HS3ST4: variants seen among roughly 807,000 people sequenced by gnomAD.
The protein encoded by HS3ST4 is heparan sulfate glucosamine 3-O-sulfotransferase 4.
Under a neutral mutation model 29.2 loss-of-function variants are expected in HS3ST4, and 17 were observed. The ratio of observed to expected loss-of-function variants is 0.58; its 90% CI spans 0.40 to 0.87. The LOEUF is 0.87. HS3ST4 is among the 40% of genes least tolerant of loss of function. HS3ST4 has a pLI of 0.00. For missense variants in HS3ST4, 627 were observed against 634.5 expected (o/e 0.99, Z 0.13); for synonymous variants, 314 against 285.7 (o/e 1.10, Z -1.00).
chr16:25,789,369 CTCTTTCTCTTTCTT>C lies in HS3ST4; in HGVS notation c.734+96234_734+96247del, dbSNP rs747361020. ...CCTTCCTTCTTTCCTTTCCCTCTCTCTCTTTCTCTTTCTTTCTTTCTCTTTCTTTGTTTTTTCCT... is the reference window on the plus strand; with the variant it reads ...CCTTCCTTCTTTCCTTTCCCTCTCTCTCTTTCTCTTTCTTTGTTTTTTCCT... On this transcript the variant is annotated intron_variant, in intron 1 of 1. Coordinates refer to ENST00000331351, the MANE Select transcript of HS3ST4 (RefSeq NM_006040.3). Among the ~76,000 whole-genome samples the C allele has an allele frequency of 3.6e-3, 535 of 150,646 alleles. 5 individuals are homozygous for C. Among genetic ancestry groups the C allele is most frequent in the African/African-American group, 0.012 (498 of 40,708 alleles).
intron 1 of HS3ST4, among the ~76,000 whole-genome samples, chr16:25,732,822 T>G (rs1966579727): frequency 6.6e-6 from 1 of 152,226 alleles, no homozygotes; most frequent in Non-Finnish European, 1.5e-5. Context: ...CTGTGGGACT[T>G]CGGACATGTC....
rs5816327 is a variant in HS3ST4 at position 25,847,013 on chromosome 16, G to GTTTTT, written c.734+153873_734+153877dup. ...CTATTTTGCTCTCCCATCAACACGA[G>GTTTTT]TTTTTTTTTTTTTTTGACTCTTTTT... On this transcript the variant is annotated intron_variant, in intron 1 of 1. Transcript: ENST00000331351. Among the ~76,000 whole-genome samples, 570 of 138,298 alleles carry GTTTTT rather than the reference G, an allele frequency of 4.1e-3. 4 individuals are homozygous for GTTTTT. The highest frequency in any genetic ancestry group is 0.014 in the African/African-American group (529 of 37,584). 90.7% of individuals were successfully genotyped at this position (138,298 alleles called of 152,430 possible).
intron 1 of HS3ST4, among the ~76,000 whole-genome samples, chr16:25,841,108 C>G (rs1468991810): frequency 6.6e-6 from 1 of 151,192 alleles, no homozygotes; most frequent in East Asian, 1.9e-4. Flanking sequence ...GGGGTTCATG[C>G]CATTCTCCTG....
At chr16:26,111,889 C>T (rs1204800291) in intron 1 of HS3ST4, among the ~76,000 whole-genome samples, 3 of 151,744 alleles carry the variant, frequency 2.0e-5, no homozygotes, top group Non-Finnish European at 2.9e-5. Context: ...TGATGATGGG[C>T]GCCTGTAGTC....
intron 1 of HS3ST4, among the ~76,000 whole-genome samples, chr16:26,001,743 A>G (rs1969213521): frequency 6.6e-6 from 1 of 152,146 alleles, no homozygotes; most frequent in Non-Finnish European, 1.5e-5. Context: ...GCTTGCACCT[A>G]CTGTAACATT....
At chr16:26,119,280 A>G (rs1025099327) in intron 1 of HS3ST4, among the ~76,000 whole-genome samples, 1 of 152,234 alleles carries the variant, frequency 6.6e-6, no homozygotes, top group Non-Finnish European at 1.5e-5. Context: ...GGAACAAGAC[A>G]GGGAGAGATG....
intron 1 of HS3ST4, among the ~76,000 whole-genome samples, chr16:25,795,332 C>T (rs1207905521): frequency 6.6e-6 from 1 of 152,052 alleles, no homozygotes; most frequent in East Asian, 1.9e-4. Context: ...TAGTCTGAGC[C>T]TTTCTACCCA....
intron 1 of HS3ST4, among the ~76,000 whole-genome samples, chr16:26,077,852 C>G (rs1328910409): frequency 6.6e-6 from 1 of 152,188 alleles, no homozygotes; most frequent in African/African-American, 2.4e-5. Context: ...AGGAGGATTG[C>G]TTGAGGCTAG....
At chr16:25,740,828 A>T (rs931370834) in intron 1 of HS3ST4, among the ~76,000 whole-genome samples, 2 of 152,158 alleles carry the variant, frequency 1.3e-5, no homozygotes, top group East Asian at 3.9e-4. Context: ...GCCCCTCAAA[A>T]CTCACATTCC....
rs757780344 is a variant in HS3ST4, at chr16:26,136,484, A to T, written c.*236A>T. 4.1e-5 allele frequency: 23 copies of T among 565,542 alleles called. No homozygotes were observed. The highest frequency in any genetic ancestry group is 4.7e-4 in the Middle Eastern group (1 of 2,144). 35.0% of individuals were successfully genotyped at this position (565,542 alleles called of 1,614,324 possible). ...GCAGCATCTGGTTGACCAGATGGCC[A>T]CCAGAACCCACTGTTCATTCTTATC... On this transcript the variant is annotated 3_prime_UTR_variant, in exon 2 of 2. Transcript: ENST00000331351.
intron 1 of HS3ST4, among the ~76,000 whole-genome samples, chr16:26,107,309 G>GTA (rs991882064): frequency 7.3e-5 from 11 of 150,312 alleles, no homozygotes; most frequent in Non-Finnish European, 1.0e-4. Context: ...GTGTGTGTGT[G>GTA]TATATATATA....
chr16:25,838,119 G>C (rs142700239), intron 1 of HS3ST4, among the ~76,000 whole-genome samples: 20 of 152,306 alleles, frequency 1.3e-4, no homozygotes, highest in African/African-American at 4.8e-4. Flanking sequence ...ATGTAAATGT[G>C]CTTTGGTTTC....
chr16:25,982,689 G>A (rs1167012322), intron 1 of HS3ST4, among the ~76,000 whole-genome samples: 10 of 152,194 alleles, frequency 6.6e-5, no homozygotes, highest in Non-Finnish European at 5.9e-5. Context: ...AACCGGTAGG[G>A]TATGGTGGTG....
intron 1 of HS3ST4, among the ~76,000 whole-genome samples, chr16:25,965,395 T>A: frequency 1.5e-5 from 1 of 67,048 alleles, no homozygotes; most frequent in African/African-American, 9.8e-5. Flanking sequence ...GTGAAATTTC[T>A]TGTCAAAAAA....
intron 1 of HS3ST4, among the ~76,000 whole-genome samples, chr16:26,016,028 A>G (rs1969359201): frequency 6.6e-6 from 1 of 152,158 alleles, no homozygotes; most frequent in Non-Finnish European, 1.5e-5. Flanking sequence ...TCCTTCCTCC[A>G]ACAGCAAAGA....
chr16:26,100,925 G>T (rs1898982815), intron 1 of HS3ST4, among the ~76,000 whole-genome samples: 1 of 152,124 alleles, frequency 6.6e-6, no homozygotes, highest in African/African-American at 2.4e-5. Context: ...AACTAAGCCA[G>T]GGCTCAAAGG....
intron 1 of HS3ST4, among the ~76,000 whole-genome samples, chr16:25,896,644 C>T (rs1056749155): frequency 5.3e-5 from 8 of 152,120 alleles, no homozygotes; most frequent in African/African-American, 1.9e-4. Flanking sequence ...TTACTGGGCA[C>T]CTGCCCAAAG....
At chr16:25,826,294 G>T (rs773371114) in intron 1 of HS3ST4, 11 of 152,186 alleles carry the variant, frequency 7.2e-5, no homozygotes, top group Non-Finnish European at 1.2e-4. Context: ...CCTCTTGTAG[G>T]TGTCTGTTCC....
intron 1 of HS3ST4, among the ~76,000 whole-genome samples, chr16:25,996,849 G>A (rs1969163134): frequency 6.6e-6 from 1 of 152,004 alleles, no homozygotes; most frequent in African/African-American, 2.4e-5. Flanking sequence ...GATATTTTAA[G>A]CCATTAAATT....
Sources: allele counts gnomAD v4.1 joint callset (sites outside exome capture counted in the v4.1 genomes callset), GRCh38; gene constraint gnomAD v4.1.1; transcripts MANE v1.5; gene names NCBI Gene and HGNC (gene_info 2026-07-23, HGNC 2026-07-21).